SUGCT: variants seen among roughly 807,000 people sequenced by gnomAD.
The protein encoded by SUGCT is succinyl-CoA:glutarate-CoA transferase, also known as succinyl-CoA:glutarate CoA-transferase.
Under a neutral mutation model 55.0 loss-of-function variants are expected in SUGCT, and 41 were observed. The observed-to-expected ratio is 0.74, with a 90% CI of 0.58 to 0.97. The LOEUF is 0.97. Ranked by LOEUF, SUGCT falls within the 50% of genes least tolerant of loss-of-function variation. The pLI, the probability that SUGCT is intolerant of heterozygous loss-of-function variation, is 0.00. For synonymous variants in SUGCT, 187 were observed against 200.4 expected (o/e 0.93, Z 0.56); for missense variants, 568 against 547.8 (o/e 1.04, Z -0.37).
intron 3 of SUGCT, among the ~76,000 whole-genome samples, chr7:40,185,792 G>T (rs1264470662): frequency 6.6e-6 from 1 of 151,990 alleles, no homozygotes; most frequent in African/African-American, 2.4e-5. Flanking sequence ...CAAAGTGCTG[G>T]GATTACAGGG....
the SUGCT span, among the ~76,000 whole-genome samples, chr7:40,989,653 C>T: frequency 1.5e-3 from 231 of 151,966 alleles, no homozygotes; most frequent in African/African-American, 5.2e-3. Context: ...GGCCTGTAAT[C>T]CCAGCTACTC....
At chr7:40,287,363 C>A (rs1435701967) in intron 8 of SUGCT, among the ~76,000 whole-genome samples, 1 of 152,034 alleles carries the variant, frequency 6.6e-6, no homozygotes, top group Admixed American at 6.6e-5. Flanking sequence ...TGCCTAATTG[C>A]CCTGGACAGA....
At chr7:40,225,806 G>A (rs1421327749) in intron 6 of SUGCT, among the ~76,000 whole-genome samples, 1 of 152,166 alleles carries the variant, frequency 6.6e-6, no homozygotes, top group Non-Finnish European at 1.5e-5. Context: ...AGTGTTTACA[G>A]TTTAGTAATT....
intron 9 of SUGCT, among the ~76,000 whole-genome samples, chr7:40,448,410 G>A (rs1341474753): frequency 6.6e-6 from 1 of 151,998 alleles, no homozygotes; most frequent in Non-Finnish European, 1.5e-5. Flanking sequence ...AAACCATAAT[G>A]AATAGAGTAT....
At chr7:40,979,598 A>T in the SUGCT span, 1 of 152,240 alleles carries the variant, frequency 6.6e-6, no homozygotes, top group Non-Finnish European at 1.5e-5. Context: ...CAAGTCATGT[A>T]GAAATGGGAA....
intron 12 of SUGCT, among the ~76,000 whole-genome samples, chr7:40,712,817 C>T (rs1018959615): frequency 1.3e-5 from 2 of 152,168 alleles, no homozygotes; most frequent in South Asian, 2.1e-4. Context: ...CTTCAGAGTG[C>T]GCTGCCATTA....
intron 9 of SUGCT, among the ~76,000 whole-genome samples, chr7:40,363,104 GTGTTTGTAGTA>G (rs1435768753): frequency 5.3e-5 from 8 of 152,070 alleles, no homozygotes; most frequent in African/African-American, 1.9e-4. Context: ...TTGCATAGAG[GTGTTTGTAGTA>G]TTCTCTGATG....
At chr7:40,324,261 A>ATATATTTATTTATT (rs377215730) in intron 9 of SUGCT, among the ~76,000 whole-genome samples, 61 of 99,978 alleles carry the variant, frequency 6.1e-4, no homozygotes, top group Non-Finnish European at 1.0e-3. Context: ...AAATATATAT[A>ATATATTTATTTATT]TATTTATTTT....
chr7:40,210,470 ATATATATATGTG>A (rs1787270588), intron 6 of SUGCT, among the ~76,000 whole-genome samples: 1 of 149,872 alleles, frequency 6.7e-6, no homozygotes, highest in African/African-American at 2.5e-5. Context: ...GTGTGTGTGT[ATATATATATGTG>A]TATATATATA....
rs147886851 is a variant in SUGCT, at chr7:40,437,442, TA to T, written c.817-11844del. Reference sequence around the variant, plus strand: ...AATTACCTAATTCAAAGCAAGGGCTTATATTTAGCAATGAGCTCTCAACATG... The same window carrying T: ...AATTACCTAATTCAAAGCAAGGGCTTTATTTAGCAATGAGCTCTCAACATG... On this transcript the variant is annotated intron_variant, in intron 9 of 13. Coordinates refer to ENST00000335693, the MANE Select transcript of SUGCT (RefSeq NM_001193313.2). 8.2e-3 allele frequency among the ~76,000 whole-genome samples: 1,255 copies of T among 152,316 alleles called. 14 individuals are homozygous for T. Among genetic ancestry groups the T allele is most frequent in the African/African-American group, 0.029 (1,194 of 41,584 alleles).
chr7:40,884,603 T>C, the SUGCT span, among the ~76,000 whole-genome samples: 1 of 152,132 alleles, frequency 6.6e-6, no homozygotes, highest in Non-Finnish European at 1.5e-5. Flanking sequence ...TTTTCCCGCA[T>C]TTTTCAAGCA....
At chr7:40,227,986 G>A (rs563839740) in intron 6 of SUGCT, among the ~76,000 whole-genome samples, 4 of 152,034 alleles carry the variant, frequency 2.6e-5, no homozygotes, top group African/African-American at 7.2e-5. Flanking sequence ...GGGTTCAAGC[G>A]ATTCTCCTGC....
chr7:41,002,723 G>A, the SUGCT span, among the ~76,000 whole-genome samples: 1 of 152,140 alleles, frequency 6.6e-6, no homozygotes, highest in Admixed American at 6.6e-5. Context: ...TGCTTATTAG[G>A]TGTCAGACAC....
In SUGCT at chr7:40,380,605, A is replaced by G. The variant is rs148110273; in HGVS notation, c.816+63750A>G. Reference sequence around the variant, plus strand: ...ATCGCATCCCCTAGATTCTACTTCCATCCGAATTGGGGGATTTCACTGAGA... The same window carrying G: ...ATCGCATCCCCTAGATTCTACTTCCGTCCGAATTGGGGGATTTCACTGAGA... On this transcript the variant is annotated intron_variant, in intron 9 of 13. Transcript: ENST00000335693. Among the ~76,000 whole-genome samples the G allele has an allele frequency of 2.5e-3, 383 of 152,268 alleles. 2 individuals are homozygous for G. The highest frequency in any genetic ancestry group is 8.8e-3 in the African/African-American group (364 of 41,552).
chr7:40,632,047 A>G (rs1371543892), intron 12 of SUGCT, among the ~76,000 whole-genome samples: 1 of 152,142 alleles, frequency 6.6e-6, no homozygotes, highest in East Asian at 1.9e-4. Context: ...CTAGCGCCCC[A>G]GGAGCAGGAT....
At chr7:40,387,709 T>C (rs1785195652) in intron 9 of SUGCT, among the ~76,000 whole-genome samples, 1 of 152,138 alleles carries the variant, frequency 6.6e-6, no homozygotes, top group South Asian at 2.1e-4. Flanking sequence ...ACCTACTATG[T>C]AGGTACTGTC....
At chr7:40,464,435 A>G (rs1789988605) in intron 11 of SUGCT, among the ~76,000 whole-genome samples, 1 of 152,232 alleles carries the variant, frequency 6.6e-6, no homozygotes, top group African/African-American at 2.4e-5. Context: ...GGTGCCATCT[A>G]AGATAAATCT....
chr7:40,675,732 A>G (rs949686469), intron 12 of SUGCT, among the ~76,000 whole-genome samples: 2 of 152,190 alleles, frequency 1.3e-5, no homozygotes, highest in Admixed American at 1.3e-4. Flanking sequence ...GGAGACATCC[A>G]ATATGGATCA....
chr7:40,749,612 T>G (rs1787905263), intron 13 of SUGCT, 115 bp downstream of exon 13: 1 of 804,002 alleles, frequency 1.2e-6, no homozygotes, highest in Non-Finnish European at 2.1e-6. Flanking sequence ...TTATCCAAAT[T>G]TATAACATTG....
Sources: gnomAD v4.1 joint callset for allele counts (sites outside exome capture counted in the v4.1 genomes callset) on GRCh38, gnomAD v4.1.1 for gene constraint, MANE v1.5 for transcripts, NCBI Gene and HGNC (gene_info 2026-07-23, HGNC 2026-07-21) for gene names.